The following MED27 variants were observed in gnomAD, a reference collection of about 807,000 sequenced individuals.
MED27 encodes the protein mediator complex subunit 27.
MED27 carries 30 observed loss-of-function variants against 38.2 expected under a neutral mutation model. The observed-to-expected ratio is 0.79, with a 90% CI of 0.59 to 1.07. The LOEUF is 1.07. MED27 is among the 50% of genes least tolerant of loss of function. The pLI is 0.00. For synonymous variants in MED27, 122 were observed against 153.5 expected (o/e 0.79, Z 1.52); for missense variants, 289 against 397.5 (o/e 0.73, Z 2.32).
At chr9:131,905,288 A>G (rs145442515) in intron 4 of MED27, among the ~76,000 whole-genome samples, 45 of 152,336 alleles carry the variant, frequency 3.0e-4, no homozygotes, top group African/African-American at 1.1e-3. Context: ...ACATACTGAA[A>G]ATGTCAAGGT....
intron 2 of MED27, among the ~76,000 whole-genome samples, chr9:132,074,421 A>C (rs772874862): frequency 1.3e-5 from 2 of 152,222 alleles, no homozygotes; most frequent in Admixed American, 6.5e-5. Context: ...CTCATAATGG[A>C]TGGGTATCAA....
intron 4 of MED27, among the ~76,000 whole-genome samples, chr9:131,897,768 A>C (rs982437962): frequency 1.3e-5 from 2 of 152,224 alleles, no homozygotes; most frequent in South Asian, 2.1e-4. Context: ...CATAATAAGA[A>C]GTTTTTAAAA....
chr9:131,915,198 C>A (rs1010912076), intron 4 of MED27, among the ~76,000 whole-genome samples: 17 of 152,096 alleles, frequency 1.1e-4, no homozygotes, highest in Non-Finnish European at 2.1e-4. Flanking sequence ...AGATGAGGAG[C>A]AATCTATAAA....
intron 3 of MED27, among the ~76,000 whole-genome samples, chr9:131,949,444 G>GA (rs1487938878): frequency 6.6e-6 from 1 of 152,126 alleles, no homozygotes; most frequent in African/African-American, 2.4e-5. Flanking sequence ...ACAAATGACA[G>GA]AAAAAAGAAG....
At chr9:131,944,530 CTT>C (rs35269307) in intron 3 of MED27, among the ~76,000 whole-genome samples, 69 of 141,024 alleles carry the variant, frequency 4.9e-4, no homozygotes, top group Admixed American at 7.1e-4. Context: ...GGTTTTTAGT[CTT>C]TTTTTTTTTT....
At chr9:131,910,842 G>A (rs541280934) in intron 4 of MED27, among the ~76,000 whole-genome samples, 8 of 152,230 alleles carry the variant, frequency 5.3e-5, no homozygotes, top group African/African-American at 1.4e-4. Context: ...GGACTGGTGC[G>A]GAGGATCGTT....
intron 3 of MED27, among the ~76,000 whole-genome samples, chr9:131,992,866 A>C (rs768234787): frequency 3.3e-5 from 5 of 152,176 alleles, no homozygotes; most frequent in Non-Finnish European, 2.9e-5. Flanking sequence ...AACAACAATA[A>C]TTATAATACA....
At chr9:132,056,151 C>T (rs1465117691) in intron 2 of MED27, among the ~76,000 whole-genome samples, 1 of 152,176 alleles carries the variant, frequency 6.6e-6, no homozygotes, top group Non-Finnish European at 1.5e-5. Flanking sequence ...ATAACTATGG[C>T]ATATTTGCTT....
At chr9:131,906,684 C>A (rs1014925995) in intron 4 of MED27, among the ~76,000 whole-genome samples, 3 of 152,144 alleles carry the variant, frequency 2.0e-5, no homozygotes, top group Non-Finnish European at 4.4e-5. Context: ...GAAAAGGGAT[C>A]CTGATCCAGA....
chr9:131,932,987 A>G (rs967541104), intron 4 of MED27, among the ~76,000 whole-genome samples: 1 of 152,216 alleles, frequency 6.6e-6, no homozygotes, highest in Non-Finnish European at 1.5e-5. Context: ...AATGTGAAAC[A>G]TCATATGAAC....
chr9:131,925,176 G>T (rs1830460403), intron 4 of MED27, among the ~76,000 whole-genome samples: 1 of 152,216 alleles, frequency 6.6e-6, no homozygotes, highest in Non-Finnish European at 1.5e-5. Flanking sequence ...AAGAAAAACT[G>T]TAGCCCACGG....
intron 3 of MED27, among the ~76,000 whole-genome samples, chr9:131,946,909 C>T (rs1830896919): frequency 6.6e-6 from 1 of 152,212 alleles, no homozygotes; most frequent in Non-Finnish European, 1.5e-5. Context: ...CAGTGTACCC[C>T]ATTTTATCTC....
chr9:132,072,638 C>G (rs769820513), intron 2 of MED27, among the ~76,000 whole-genome samples: 3 of 151,992 alleles, frequency 2.0e-5, no homozygotes, highest in African/African-American at 4.8e-5. Context: ...AAACTCACTA[C>G]GCTAGCAAGT....
chr9:132,001,151 A>G (rs1472288735), intron 3 of MED27, among the ~76,000 whole-genome samples: 1 of 152,124 alleles, frequency 6.6e-6, no homozygotes, highest in Non-Finnish European at 1.5e-5. Flanking sequence ...CTCTAATATG[A>G]CTTCTAGAAA....
chr9:131,869,518 G>A (rs1027226585), intron 6 of MED27: 6 of 669,352 alleles, frequency 9.0e-6, no homozygotes, highest in Non-Finnish European at 9.3e-6. Context: ...CCCCCTTGGC[G>A]GAGGCCAGGA....
rs917110134 is a variant in MED27 at position 132,073,379 on chromosome 9, C to T, written c.348+4063G>A. 11 of 1,034,536 alleles carry T rather than the reference C, an allele frequency of 1.1e-5. No homozygotes were observed. The South Asian group carries it at 3.7e-4, about 35-fold the overall frequency. 64.1% of individuals were successfully genotyped at this position (1,034,536 alleles called of 1,614,324 possible). ...GCTTCGATTCATTTATTCTTTCATT[C>T]TCTCAGTGAATCTTCACTGAATGAT... On this transcript the variant is annotated intron_variant, in intron 2 of 7. Transcript: ENST00000292035.
chr9:131,978,083 A>G (rs1416609538), intron 3 of MED27, among the ~76,000 whole-genome samples: 1 of 152,208 alleles, frequency 6.6e-6, no homozygotes, highest in African/African-American at 2.4e-5. Context: ...CAGCCTTGTG[A>G]AAACAAACAA....
intron 1 of MED27, 128 bp from the exon 2 acceptor site, chr9:132,077,714 G>T: frequency 1.1e-6 from 1 of 911,250 alleles, no homozygotes; most frequent in Non-Finnish European, 1.5e-6. Context: ...AATACTTTTT[G>T]AAAGGTTAAA....
chr9:132,022,419 T>A (rs181110423), intron 2 of MED27, among the ~76,000 whole-genome samples: 1 of 152,290 alleles, frequency 6.6e-6, no homozygotes, highest in African/African-American at 2.4e-5. Context: ...AGGACATTAG[T>A]TTTTAAACAC....
Sources: allele counts gnomAD v4.1 joint callset (sites outside exome capture counted in the v4.1 genomes callset), GRCh38; gene constraint gnomAD v4.1.1; transcripts MANE v1.5; gene names NCBI Gene and HGNC (gene_info 2026-07-23, HGNC 2026-07-21).